The following ZDHHC21 variants were observed in gnomAD, a reference collection of about 807,000 sequenced individuals.
The protein encoded by ZDHHC21 is palmitoyltransferase ZDHHC21.
ZDHHC21 carries 15 observed loss-of-function variants against 34.6 expected under a neutral mutation model. The observed-to-expected ratio is 0.43, with a 90% CI of 0.29 to 0.67. The LOEUF (loss-of-function observed/expected upper bound fraction) is 0.67. Ranked by LOEUF, ZDHHC21 falls within the 30% of genes least tolerant of loss-of-function variation. ZDHHC21 has a pLI of 0.14. For synonymous variants in ZDHHC21, 142 were observed against 101.8 expected (o/e 1.40, Z -2.38); for missense variants, 344 against 327.7 (o/e 1.05, Z -0.38).
downstream of ZDHHC21, among the ~76,000 whole-genome samples, chr9:14,607,967 T>C (rs189096665): frequency 3.2e-3 from 486 of 152,290 alleles, 4 homozygotes; most frequent in African/African-American, 0.011. Flanking sequence ...TGGATCAGTA[T>C]TTTCCACATT....
At chr9:14,670,201 C>T (rs569888922) in intron 5 of ZDHHC21, among the ~76,000 whole-genome samples, 1 of 152,082 alleles carries the variant, frequency 6.6e-6, no homozygotes, top group African/African-American at 2.4e-5. Context: ...TCTGAGAAAT[C>T]AGCATATAAT....
At chr9:14,665,523 A>G (rs1386612830) in intron 5 of ZDHHC21, among the ~76,000 whole-genome samples, 2 of 152,064 alleles carry the variant, frequency 1.3e-5, no homozygotes, top group East Asian at 3.9e-4. Flanking sequence ...CCCCAAGAAG[A>G]AAAACTCCAA....
At chr9:14,664,135 C>A (rs1273792241) in intron 5 of ZDHHC21, among the ~76,000 whole-genome samples, 1 of 152,148 alleles carries the variant, frequency 6.6e-6, no homozygotes, top group Non-Finnish European at 1.5e-5. Flanking sequence ...ACAGTGGGCG[C>A]AGGCCAGCGG....
intron 4 of ZDHHC21, among the ~76,000 whole-genome samples, 178 bp downstream of exon 4, chr9:14,674,009 C>A (rs1290588523): frequency 3.3e-5 from 5 of 151,900 alleles, no homozygotes; most frequent in Non-Finnish European, 5.9e-5. Context: ...TATCTAACTG[C>A]AAATCTATAA....
chr9:14,620,693 A>G (rs1825154660), intron 8 of ZDHHC21, among the ~76,000 whole-genome samples: 1 of 152,040 alleles, frequency 6.6e-6, no homozygotes, highest in Admixed American at 6.6e-5. Flanking sequence ...CTCTTTAGAG[A>G]TGTTAATAGC....
chr9:14,675,160 T>C (rs1386193066), intron 3 of ZDHHC21, among the ~76,000 whole-genome samples: 1 of 151,924 alleles, frequency 6.6e-6, no homozygotes, highest in Non-Finnish European at 1.5e-5. Context: ...GTGTTAACAA[T>C]ATGCCAACAG....
At position 14,628,355 on chromosome 9, in the gene ZDHHC21, G is replaced by T. The variant is rs536159242; in HGVS notation, c.622-8673C>A. On this transcript the variant is annotated intron_variant, in intron 8 of 9. Transcript: ENST00000380916. ...CTATCAACAGGAAGATGAGATAAAT[G>T]ATTTATTTATTCCAAGTAAAAATGA... Among the ~76,000 whole-genome samples, 171 of 152,112 alleles carry T rather than the reference G, an allele frequency of 1.1e-3. 1 individual carries two copies. The highest frequency in any genetic ancestry group is 2.1e-3 in the Non-Finnish European group (140 of 67,982).
chr9:14,673,743 C>G (rs1050704290), intron 4 of ZDHHC21, among the ~76,000 whole-genome samples: 6 of 151,930 alleles, frequency 3.9e-5, no homozygotes, highest in Admixed American at 1.3e-4. Context: ...AAGCCATCAC[C>G]AATTGACTAA....
At chr9:14,619,724 TTAAG>T (rs780787255) in intron 8 of ZDHHC21, 42 bp from the exon 9 acceptor site, 5 of 1,143,680 alleles carry the variant, frequency 4.4e-6, no homozygotes, top group Admixed American at 2.7e-5. Flanking sequence ...AAGAAAGTTA[TTAAG>T]TCTTTATTCT....
intron 8 of ZDHHC21, among the ~76,000 whole-genome samples, chr9:14,636,678 AT>A (rs1828366449): frequency 6.6e-6 from 1 of 152,144 alleles, no homozygotes; most frequent in Non-Finnish European, 1.5e-5. Context: ...CTCAAGAAAC[AT>A]GAAAAAAATC....
At chr9:14,659,199 G>C (rs982351351) in intron 6 of ZDHHC21, among the ~76,000 whole-genome samples, 7 of 152,128 alleles carry the variant, frequency 4.6e-5, no homozygotes, top group Admixed American at 6.5e-5. Flanking sequence ...AAGGAGCTAA[G>C]CCTCTGGCCA....
At chr9:14,686,053 C>T (rs373442205) in intron 2 of ZDHHC21, among the ~76,000 whole-genome samples, 3 of 137,384 alleles carry the variant, frequency 2.2e-5, no homozygotes, top group South Asian at 2.7e-4. Context: ...CGGGGCCTGT[C>T]GTGGGGTGGG....
the ZDHHC21 span, among the ~76,000 whole-genome samples, chr9:14,602,363 G>A: frequency 1.5e-4 from 23 of 152,022 alleles, no homozygotes; most frequent in African/African-American, 5.5e-4. Flanking sequence ...CAAAGTATTC[G>A]CATCTTGGGA....
rs979750702 is a variant in ZDHHC21 at position 14,619,549 on chromosome 9, A to G, written c.665+90T>C. Reference sequence around the variant, plus strand: ...TGCACCAAGAAAAAGCCATCATTATATTATCTATCTACCATATGCACATAT... The same window carrying G: ...TGCACCAAGAAAAAGCCATCATTATGTTATCTATCTACCATATGCACATAT... On this transcript the variant is annotated intron_variant, in intron 9 of 9. Transcript: ENST00000380916. The G allele has an allele frequency of 5.9e-4, 621 of 1,054,306 alleles. 4 individuals carry two copies. Among genetic ancestry groups the G allele is most frequent in the Non-Finnish European group, 2.9e-4 (214 of 733,794 alleles). 65.3% of individuals were successfully genotyped at this position (1,054,306 alleles called of 1,614,324 possible). A position where few individuals can be genotyped will look rare whatever the true frequency, so the allele number is the denominator to read the frequency against.
intron 2 of ZDHHC21, among the ~76,000 whole-genome samples, chr9:14,686,564 T>G (rs1367567340): frequency 6.6e-6 from 1 of 152,210 alleles, no homozygotes; most frequent in African/African-American, 2.4e-5. Context: ...AACTTTTCTA[T>G]GGTCCATAGT....
At chr9:14,593,862 G>A in the ZDHHC21 span, 1 of 152,376 alleles carries the variant, frequency 6.6e-6, no homozygotes, top group Admixed American at 6.5e-5. Flanking sequence ...AGACCACCTG[G>A]TCTCTGCAGA....
Position 14,612,907 on chromosome 9 carries a change from G to T in ZDHHC21, c.*6059C>A, listed in dbSNP as rs1440372404. 6.7e-6 allele frequency: 1 copy of T among 148,486 alleles called. No homozygotes were observed. Among genetic ancestry groups the T allele is most frequent in the Admixed American group, 6.7e-5 (1 of 14,820 alleles). The allele number at this position is 148,486 out of a possible 1,614,324, so 9.2% of individuals were successfully genotyped here. On this transcript the variant is annotated 3_prime_UTR_variant, in exon 10 of 10. Coordinates refer to ENST00000380916, the MANE Select transcript of ZDHHC21 (RefSeq NM_178566.6). ...GCTGAACTCGATTTGTAATGAGAAC[G>T]AACCTTAACTCTTCATCTTAGTATT...
chr9:14,685,085 A>G (rs1235869975), intron 2 of ZDHHC21, among the ~76,000 whole-genome samples: 16 of 152,164 alleles, frequency 1.1e-4, no homozygotes, highest in African/African-American at 3.9e-4. Context: ...TGTTAGACCT[A>G]AAACCATAAA....
At chr9:14,682,112 C>A (rs963128016) in intron 2 of ZDHHC21, among the ~76,000 whole-genome samples, 1 of 152,128 alleles carries the variant, frequency 6.6e-6, no homozygotes, top group Non-Finnish European at 1.5e-5. Context: ...ACCACAGATG[C>A]TAGGAAGAAA....
Sources: gnomAD v4.1 joint callset for allele counts (sites outside exome capture counted in the v4.1 genomes callset) on GRCh38, gnomAD v4.1.1 for gene constraint, MANE v1.5 for transcripts, NCBI Gene and HGNC (gene_info 2026-07-23, HGNC 2026-07-21) for gene names.